Variants in C9orf43 observed in about 807,000 individuals in gnomAD.
The protein encoded by C9orf43 is uncharacterized protein C9orf43.
In C9orf43, 45 loss-of-function variants were observed where a neutral mutation model predicts 59.1. That is an observed-to-expected ratio of 0.76 (90% confidence interval 0.60 to 0.98). The LOEUF (loss-of-function observed/expected upper bound fraction) is 0.98. C9orf43 is among the 50% of genes least tolerant of loss of function. C9orf43 has a pLI of 0.00. For missense variants in C9orf43, 533 were observed against 554.9 expected (o/e 0.96, Z 0.40); for synonymous variants, 203 against 196.8 (o/e 1.03, Z -0.26).
intron 10 of C9orf43, 109 bp from the exon 11 acceptor site, chr9:113,425,534 G>A (rs1828755922): frequency 6.8e-7 from 1 of 1,480,150 alleles, no homozygotes; most frequent in Non-Finnish European, 9.2e-7. Context: ...TAGATAAAAA[G>A]TTCTTGTCTG....
At chr9:113,414,821 G>C (rs935537204) in intron 3 of C9orf43, among the ~76,000 whole-genome samples, 3 of 152,054 alleles carry the variant, frequency 2.0e-5, no homozygotes, top group African/African-American at 7.2e-5. Context: ...CTGTATGTAC[G>C]GACAGAAAAC....
In C9orf43 at chr9:113,423,516, C is replaced by T; in HGVS notation, c.656+18C>T. 8.1e-6 allele frequency: 13 copies of T among 1,603,088 alleles called. No individual in the cohort carries two copies. The highest frequency in any genetic ancestry group is 1.1e-5 in the Non-Finnish European group (13 of 1,170,790). On this transcript the variant is annotated intron_variant, in intron 7 of 13. Transcript: ENST00000374165. ...CTGAAGGAGTAAGTATCATGTAGGTCTGTGGGAGAGCCAGAGCACCTGCTT... is the reference window on the plus strand; with the variant it reads ...CTGAAGGAGTAAGTATCATGTAGGTTTGTGGGAGAGCCAGAGCACCTGCTT...
intron 5 of C9orf43, 39 bp from the exon 6 acceptor site, chr9:113,422,510 G>A (rs1372201402): frequency 1.2e-6 from 2 of 1,610,432 alleles, no homozygotes; most frequent in Non-Finnish European, 8.5e-7. Context: ...GTCCAGCTGA[G>A]AAGCATGTTT....
chr9:113,422,410 G>T, intron 5 of C9orf43, 139 bp from the exon 6 acceptor site: 2 of 1,242,340 alleles, frequency 1.6e-6, no homozygotes, highest in Non-Finnish European at 2.2e-6. Context: ...ACTGATCAAA[G>T]ATAGGAATCT....
intron 10 of C9orf43, 74 bp downstream of exon 10, chr9:113,425,494 G>A: frequency 6.5e-7 from 1 of 1,534,206 alleles, no homozygotes; most frequent in Non-Finnish European, 8.8e-7. Flanking sequence ...TGTATGAAAG[G>A]TGGGGGTCTC....
chr9:113,411,213 G>A (rs1444057579), intron 1 of C9orf43: 1 of 601,870 alleles, frequency 1.7e-6, no homozygotes, highest in East Asian at 1.4e-4. Flanking sequence ...AAAACAAACC[G>A]TGTTAAAATT....
intron 8 of C9orf43, 132 bp from the exon 9 acceptor site, chr9:113,424,887 G>T (rs1588112739): frequency 1.4e-6 from 1 of 728,680 alleles, no homozygotes; most frequent in Non-Finnish European, 2.3e-6. Context: ...GTAGCCCCTG[G>T]TACAATGCTG....
intron 4 of C9orf43, chr9:113,420,829 A>C: frequency 2.0e-6 from 2 of 978,934 alleles, no homozygotes; most frequent in Non-Finnish European, 2.4e-6. Flanking sequence ...GGGCACCCTC[A>C]TATGGGATTG....
At chr9:113,419,039 A>G (rs1421008225) in intron 3 of C9orf43, 69 bp from the exon 4 acceptor site, 12 of 1,264,760 alleles carry the variant, frequency 9.5e-6, no homozygotes, top group African/African-American at 3.0e-5. Context: ...GGATTTCCTC[A>G]TAGCACTAAC....
chr9:113,423,562 T>C lies in C9orf43; in HGVS notation c.656+64T>C, dbSNP rs550423889. The C allele has an allele frequency of 3.9e-5, 59 of 1,494,566 alleles. No homozygotes were observed. In the South Asian group the frequency reaches 6.8e-4, roughly 17 times the overall value. 92.6% of individuals were successfully genotyped at this position (1,494,566 alleles called of 1,614,324 possible). On this transcript the variant is annotated intron_variant, in intron 7 of 13. Transcript: ENST00000374165. ...TGCTTTTTACTGAAGCTGGGATGGG[T>C]CTAAACAGTGTGCTTTTTCTGAGTA... is the stretch of plus-strand genomic sequence containing the variant.
chr9:113,428,648 G>A (rs1458045134), intron 12 of C9orf43, among the ~76,000 whole-genome samples: 1 of 152,148 alleles, frequency 6.6e-6, no homozygotes, highest in African/African-American at 2.4e-5. Flanking sequence ...AGAATGGGAG[G>A]AATTGTTGGA....
chr9:113,423,542 T>C (rs758542349), intron 7 of C9orf43, 44 bp downstream of exon 7: 2 of 1,580,508 alleles, frequency 1.3e-6, no homozygotes, highest in South Asian at 2.2e-5. Context: ...GCACCTGCTT[T>C]TTACTGAAGC....
At chr9:113,422,427 T>G in intron 5 of C9orf43, 122 bp from the exon 6 acceptor site, 1 of 1,354,692 alleles carries the variant, frequency 7.4e-7, no homozygotes, top group Non-Finnish European at 1.0e-6. Context: ...ATCTTTGTGG[T>G]CATCATTCAC....
At chr9:113,421,789 TC>T (rs1828584337) in intron 5 of C9orf43, among the ~76,000 whole-genome samples, 1 of 152,236 alleles carries the variant, frequency 6.6e-6, no homozygotes, top group Admixed American at 6.5e-5. Context: ...CTTTTGTTTT[TC>T]TTTTTAAAAA....
At chr9:113,424,900 A>G in intron 8 of C9orf43, 119 bp from the exon 9 acceptor site, 1 of 832,538 alleles carries the variant, frequency 1.2e-6, no homozygotes, top group Non-Finnish European at 1.9e-6. Context: ...CAATGCTGCA[A>G]AACACTGGGT....
In C9orf43 at chr9:113,429,394, C is replaced by T. The variant is rs759682143; in HGVS notation, c.*8C>T. 5 of 1,612,834 alleles carry T rather than the reference C, an allele frequency of 3.1e-6. No homozygotes were observed. In the East Asian group the frequency reaches 6.7e-5, roughly 22 times the overall value. On this transcript the variant is annotated 3_prime_UTR_variant, in exon 14 of 14. Transcript: ENST00000374165. ...TCCTCTGGGGCAGAGTGAGAAGCCT[C>T]TGGAGGAATAGACTGAAGGCATCCC... is the stretch of plus-strand genomic sequence containing the variant.
rs1280377312 is a variant in C9orf43, at chr9:113,429,426, C to T, written c.*40C>T. The T allele has an allele frequency of 1.3e-6, 2 of 1,577,136 alleles. No homozygotes were observed. The highest frequency in any genetic ancestry group is 1.7e-6 in the Non-Finnish European group (2 of 1,150,346). On this transcript the variant is annotated 3_prime_UTR_variant, in exon 14 of 14. Coordinates refer to ENST00000374165, the MANE Select transcript of C9orf43 (RefSeq NM_001278629.2). Reference sequence around the variant, plus strand: ...AATAGACTGAAGGCATCCCCTGGGGCAGCCGTGTTCCAAAGCGGGATGGCT... The same window carrying T: ...AATAGACTGAAGGCATCCCCTGGGGTAGCCGTGTTCCAAAGCGGGATGGCT...
intron 11 of C9orf43, 84 bp from the exon 12 acceptor site, chr9:113,428,063 G>A: frequency 7.4e-7 from 1 of 1,346,824 alleles, no homozygotes; most frequent in Non-Finnish European, 1.1e-6. Flanking sequence ...AGAGTCACTT[G>A]TAGACTAGGG....
intron 5 of C9orf43, among the ~76,000 whole-genome samples, chr9:113,422,112 A>AT (rs1395745021): frequency 3.3e-5 from 5 of 152,204 alleles, no homozygotes; most frequent in African/African-American, 7.2e-5. Context: ...GGTCAGAGCA[A>AT]AAAATACTTC....
Sources: allele counts gnomAD v4.1 joint callset (sites outside exome capture counted in the v4.1 genomes callset), GRCh38; gene constraint gnomAD v4.1.1; transcripts MANE v1.5; gene names NCBI Gene and HGNC (gene_info 2026-07-23, HGNC 2026-07-21).